The following NOL10 variants were observed in gnomAD, a reference collection of about 807,000 sequenced individuals.
NOL10 encodes nucleolar protein 10.
In NOL10, 58 loss-of-function variants were observed where a neutral mutation model predicts 103.5. The ratio of observed to expected loss-of-function variants is 0.56; its 90% confidence interval spans 0.45 to 0.70. NOL10 has a LOEUF of 0.70. Among genes scored for constraint, NOL10 ranks in the 30% least tolerant of loss-of-function variants. NOL10 has a pLI of 0.00. For synonymous variants in NOL10, 287 were observed against 282.5 expected, an observed-to-expected ratio of 1.02 and a Z score of -0.16; for missense variants, 763 against 807.3, an observed-to-expected ratio of 0.95 and a Z score of 0.67.
intron 17 of NOL10, among the ~76,000 whole-genome samples, chr2:10,596,013 A>T (rs1168309505): frequency 1.3e-5 from 2 of 152,200 alleles, no homozygotes; most frequent in East Asian, 3.8e-4. Flanking sequence ...CTTTAAAAAT[A>T]ATATTTTGGA....
chr2:10,652,175 G>C (rs186877545), intron 12 of NOL10, among the ~76,000 whole-genome samples: 58 of 151,918 alleles, frequency 3.8e-4, no homozygotes, highest in Non-Finnish European at 6.6e-4. Flanking sequence ...GGGAGGGGGA[G>C]GTTGAAGTGA....
chr2:10,677,384 T>A (rs1205715549), intron 3 of NOL10, among the ~76,000 whole-genome samples: 1 of 151,818 alleles, frequency 6.6e-6, no homozygotes, highest in Non-Finnish European at 1.5e-5. Flanking sequence ...AATGAGGTAG[T>A]CCTTTGTTTT....
chr2:10,602,892 A>C lies in NOL10; in HGVS notation c.1234-18T>G. The C allele has an allele frequency of 6.5e-7, 1 of 1,540,736 alleles. No homozygotes were observed. The highest frequency in any genetic ancestry group is 8.9e-7 in the Non-Finnish European group (1 of 1,125,788). ...AGTTTCACCTTTTCAAAATGAAAAA[A>C]GTTTTTAAAATAAAAGAATGGTATT... On this transcript the variant is annotated intron_variant, in intron 15 of 20. Transcript: ENST00000381685.
intron 13 of NOL10, among the ~76,000 whole-genome samples, chr2:10,609,035 A>T (rs142563765): frequency 6.6e-6 from 1 of 152,190 alleles, no homozygotes; most frequent in African/African-American, 2.4e-5. Flanking sequence ...TATGGTTTTA[A>T]GCAATTTTAG....
intron 6 of NOL10, 126 bp from the exon 7 acceptor site, chr2:10,668,849 C>T (rs1480377557): frequency 2.3e-5 from 8 of 347,158 alleles, no homozygotes; most frequent in South Asian, 1.8e-4. Context: ...GATACAAAAA[C>T]GTATTCTAAA....
At chr2:10,663,999 G>A (rs757112175) in intron 8 of NOL10, among the ~76,000 whole-genome samples, 1 of 151,182 alleles carries the variant, frequency 6.6e-6, no homozygotes, top group Non-Finnish European at 1.5e-5. Flanking sequence ...GCGCATGCCC[G>A]TAATCCCACA....
chr2:10,687,768 A>C (rs1682318927), intron 1 of NOL10, among the ~76,000 whole-genome samples: 1 of 152,218 alleles, frequency 6.6e-6, no homozygotes, highest in African/African-American at 2.4e-5. Flanking sequence ...ATACCGGCCA[A>C]CATAGTGAAA....
At chr2:10,622,941 T>C (rs923146657) in intron 13 of NOL10, among the ~76,000 whole-genome samples, 1 of 151,944 alleles carries the variant, frequency 6.6e-6, no homozygotes, top group African/African-American at 2.4e-5. Flanking sequence ...GCTCATTCAG[T>C]TCCCCTCTCT....
At chr2:10,654,155 T>C (rs940984054) in intron 12 of NOL10, among the ~76,000 whole-genome samples, 1 of 152,080 alleles carries the variant, frequency 6.6e-6, no homozygotes, top group Non-Finnish European at 1.5e-5. Flanking sequence ...ACTAATCACA[T>C]AAAAGAGCTA....
At chr2:10,592,098 A>G (rs10929684) in intron 17 of NOL10, among the ~76,000 whole-genome samples, 52,116 of 151,912 alleles carry the variant, frequency 0.34, 9,366 homozygotes, top group Non-Finnish European at 0.4. Flanking sequence ...AGAAGTTAGC[A>G]TCATGAGAAG....
At chr2:10,669,096 G>GT (rs1196484836) in intron 6 of NOL10, among the ~76,000 whole-genome samples, 6 of 150,558 alleles carry the variant, frequency 4.0e-5, no homozygotes, top group East Asian at 3.9e-4. Flanking sequence ...CTTTTTTTTT[G>GT]TTTTTTTGTT....
At chr2:10,688,235 C>T (rs966115090) in intron 1 of NOL10, among the ~76,000 whole-genome samples, 1 of 152,150 alleles carries the variant, frequency 6.6e-6, no homozygotes, top group Non-Finnish European at 1.5e-5. Context: ...TAATTCATCC[C>T]GACTTGAACC....
At chr2:10,577,361 G>T (rs1464397498) in intron 20 of NOL10, among the ~76,000 whole-genome samples, 2 of 152,172 alleles carry the variant, frequency 1.3e-5, no homozygotes, top group Non-Finnish European at 2.9e-5. Context: ...CAGAAACCAA[G>T]ACGGCTGGTT....
At chr2:10,588,338 AT>A (rs1199932226) in intron 19 of NOL10, among the ~76,000 whole-genome samples, 1 of 152,104 alleles carries the variant, frequency 6.6e-6, no homozygotes, top group African/African-American at 2.4e-5. Context: ...TTTCCAGAAC[AT>A]TTTCATAATC....
intron 19 of NOL10, among the ~76,000 whole-genome samples, chr2:10,587,258 C>T (rs56299100): frequency 8.0e-5 from 2 of 24,950 alleles, no homozygotes; most frequent in African/African-American, 1.8e-4. Flanking sequence ...TATATATATA[C>T]ACATATATAT....
Position 10,659,365 on chromosome 2 carries a change from T to C in NOL10, c.678-115A>G. The C allele has an allele frequency of 1.4e-5, 8 of 578,010 alleles. 1 individual carries two copies. The highest frequency in any genetic ancestry group is 2.5e-5 in the Non-Finnish European group (8 of 318,898). The allele number at this position is 578,010 out of a possible 1,614,324, so 35.8% of individuals were successfully genotyped here. A position where few individuals can be genotyped will look rare whatever the true frequency, so the allele number is the denominator to read the frequency against. On this transcript the variant is annotated intron_variant, in intron 9 of 20. Coordinates refer to ENST00000381685, the MANE Select transcript of NOL10 (RefSeq NM_024894.4). ...ATGGGGGGGGGGGGGAGGAATCACA[T>C]TTCTAGGCTTCTGTTTAAAAGGTAA...
At chr2:10,667,881 T>A (rs991314239) in intron 7 of NOL10, among the ~76,000 whole-genome samples, 7 of 152,112 alleles carry the variant, frequency 4.6e-5, no homozygotes, top group African/African-American at 1.2e-4. Flanking sequence ...TAAAAAAAAA[T>A]TAGAGTTTAT....
At chr2:10,638,792 C>CTTTTTTT (rs575658225) in intron 13 of NOL10, among the ~76,000 whole-genome samples, 1 of 52,858 alleles carries the variant, frequency 1.9e-5, no homozygotes, top group African/African-American at 9.3e-5. Context: ...CGTGCCTGGC[C>CTTTTTTT]TTTTTTTTTT....
chr2:10,604,197 G>C (rs1203467476), intron 14 of NOL10, among the ~76,000 whole-genome samples: 1 of 152,146 alleles, frequency 6.6e-6, no homozygotes, highest in Non-Finnish European at 1.5e-5. Flanking sequence ...CCTGCTGTGT[G>C]GCCCGGTTCC....
Sources: allele counts gnomAD v4.1 joint callset (sites outside exome capture counted in the v4.1 genomes callset), GRCh38; gene constraint gnomAD v4.1.1; transcripts MANE v1.5; gene names NCBI Gene and HGNC (gene_info 2026-07-23, HGNC 2026-07-21).